The following PTPRN2 variants were observed in gnomAD, a reference collection of about 807,000 sequenced individuals.
PTPRN2 encodes receptor-type tyrosine-protein phosphatase N2.
In PTPRN2, 74 loss-of-function variants were observed where a neutral mutation model predicts 118.8. The observed-to-expected ratio is 0.62, with a 90% CI of 0.52 to 0.76. The LOEUF (loss-of-function observed/expected upper bound fraction) is 0.76, where lower values mean the gene tolerates loss of function less well. Ranked by LOEUF, PTPRN2 falls within the 30% of genes least tolerant of loss-of-function variation. The probability of loss-of-function intolerance (pLI) is 0.00; values close to 1 mark genes in which losing one functional copy is unlikely to be tolerated. For missense variants in PTPRN2, 1,481 were observed against 1,394.4 expected (o/e 1.06, Z -0.99); for synonymous variants, 641 against 608.0 (o/e 1.05, Z -0.80).
intron 6 of PTPRN2, among the ~76,000 whole-genome samples, chr7:158,143,185 A>T (rs932999181): frequency 2.0e-5 from 3 of 152,196 alleles, no homozygotes; most frequent in African/African-American, 7.2e-5. Flanking sequence ...TCCCAAAGAA[A>T]ATGGAAATAA....
At chr7:158,412,786 A>G (rs1326339938) in intron 2 of PTPRN2, among the ~76,000 whole-genome samples, 16 of 84,034 alleles carry the variant, frequency 1.9e-4, no homozygotes, top group South Asian at 1.6e-3. Flanking sequence ...CCCATCCAGC[A>G]CCCTCCTCAG....
In PTPRN2 at chr7:158,544,174, C is replaced by A. The variant is rs895178958; in HGVS notation, c.112+43384G>T. On this transcript the variant is annotated intron_variant, in intron 1 of 22. Coordinates refer to ENST00000389418, the MANE Select transcript of PTPRN2 (RefSeq NM_002847.5). The surrounding 1 kb of genome is among the most constrained non-coding windows in gnomAD (Gnocchi z 4.2). ...GTCCACACTCTGCCCGCATGATCTG[C>A]CTCTCCCCAAAACAGACTATCATTA... is the stretch of plus-strand genomic sequence containing the variant. Among the ~76,000 whole-genome samples, 1 of 152,124 alleles carries A rather than the reference C, an allele frequency of 6.6e-6. No homozygotes were observed. Among genetic ancestry groups the A allele is most frequent in the African/African-American group, 2.4e-5 (1 of 41,402 alleles).
chr7:158,210,347 G>A (rs1034562061), intron 3 of PTPRN2, among the ~76,000 whole-genome samples: 1 of 151,814 alleles, frequency 6.6e-6, no homozygotes, highest in Admixed American at 6.6e-5. Flanking sequence ...GTGTTAGCCA[G>A]GATGGTCTCG....
At chr7:158,188,857 G>A (rs1466320338) in intron 5 of PTPRN2, among the ~76,000 whole-genome samples, 1 of 152,170 alleles carries the variant, frequency 6.6e-6, no homozygotes, top group African/African-American at 2.4e-5. Flanking sequence ...AGCCAGGAAT[G>A]GAAAGACTTC....
chr7:157,571,347 T>C lies in PTPRN2; in HGVS notation c.2837+93A>G, dbSNP rs1008754478. 8.0e-6 allele frequency: 8 copies of C among 1,002,118 alleles called. No homozygotes were observed. In the African/African-American group the frequency reaches 9.8e-5, roughly 12 times the overall value. 62.1% of individuals were successfully genotyped at this position (1,002,118 alleles called of 1,614,324 possible). ...AGAAGTGCCAGTTAGTTATATTTATTAAGCAATTAGAAAGTTAAGCTTCTG... is the reference window on the plus strand; with the variant it reads ...AGAAGTGCCAGTTAGTTATATTTATCAAGCAATTAGAAAGTTAAGCTTCTG... On this transcript the variant is annotated intron_variant, in intron 20 of 22. Transcript: ENST00000389418.
intron 12 of PTPRN2, among the ~76,000 whole-genome samples, chr7:157,731,512 TTACCCTTTCCCGTCCCATGCG>T (rs1298664162): frequency 2.7e-5 from 4 of 150,804 alleles, no homozygotes; most frequent in African/African-American, 4.9e-5. Context: ...CCCAGCACAG[TTACCCTTTCCCGTCCCATGCG>T]CCCAGCACAG....
At chr7:157,940,791 CCT>C (rs1800028737) in intron 11 of PTPRN2, among the ~76,000 whole-genome samples, 1 of 93,350 alleles carries the variant, frequency 1.1e-5, no homozygotes, top group Non-Finnish European at 1.9e-5. Flanking sequence ...AATCAAACAC[CCT>C]CCCCCATGAC....
chr7:158,050,643 C>T (rs562581806), intron 11 of PTPRN2, among the ~76,000 whole-genome samples: 6 of 152,336 alleles, frequency 3.9e-5, no homozygotes, highest in South Asian at 2.1e-4. Context: ...CGCTCTCCCC[C>T]GTCACGCTGA....
At chr7:158,521,363 T>C (rs1209975732) in intron 1 of PTPRN2, among the ~76,000 whole-genome samples, 2 of 152,232 alleles carry the variant, frequency 1.3e-5, no homozygotes, top group African/African-American at 4.8e-5. Flanking sequence ...GTACTAGGTG[T>C]CTGGCTTCCC....
At chr7:158,268,370 G>A (rs1275919044) in intron 3 of PTPRN2, among the ~76,000 whole-genome samples, 1 of 148,104 alleles carries the variant, frequency 6.8e-6, no homozygotes. Context: ...CGCACACAGA[G>A]TGGGGTGTGA....
At chr7:158,453,642 G>T (rs916065506) in intron 2 of PTPRN2, among the ~76,000 whole-genome samples, 1 of 152,188 alleles carries the variant, frequency 6.6e-6, no homozygotes, top group South Asian at 2.1e-4. Flanking sequence ...AGGATCTGTT[G>T]CTTCTTATTT....
chr7:158,204,691 AT>A (rs1826977677), intron 4 of PTPRN2, among the ~76,000 whole-genome samples: 1 of 152,186 alleles, frequency 6.6e-6, no homozygotes, highest in Admixed American at 6.5e-5. Flanking sequence ...CATGGTATGT[AT>A]GACATTACCA....
intron 12 of PTPRN2, among the ~76,000 whole-genome samples, chr7:157,858,081 C>CCA (rs777572451): frequency 2.0e-4 from 23 of 116,880 alleles, no homozygotes; most frequent in Middle Eastern, 4.3e-3. Flanking sequence ...GGGAGAACCC[C>CCA]GTCACCACCC....
intron 11 of PTPRN2, among the ~76,000 whole-genome samples, chr7:157,935,021 G>C (rs1379611349): frequency 6.6e-6 from 1 of 152,194 alleles, no homozygotes; most frequent in Non-Finnish European, 1.5e-5. Flanking sequence ...AATGAAGTCA[G>C]TCCTCATGCA....
At chr7:158,112,441 A>C (rs1380484310) in intron 9 of PTPRN2, among the ~76,000 whole-genome samples, 1 of 152,158 alleles carries the variant, frequency 6.6e-6, no homozygotes, top group Non-Finnish European at 1.5e-5. Flanking sequence ...CATGGCCTGG[A>C]GACGAGTGCA....
At chr7:158,461,992 G>A (rs1036107571) in intron 2 of PTPRN2, among the ~76,000 whole-genome samples, 1 of 152,404 alleles carries the variant, frequency 6.6e-6, no homozygotes, top group East Asian at 1.9e-4. Flanking sequence ...TTGGGTGAAC[G>A]CCTCCCGTCC....
At chr7:157,852,928 G>C (rs1028320119) in intron 12 of PTPRN2, among the ~76,000 whole-genome samples, 9 of 151,402 alleles carry the variant, frequency 5.9e-5, no homozygotes, top group African/African-American at 2.2e-4. Context: ...AACCCTCTGA[G>C]ATGTGCGTCC....
intron 2 of PTPRN2, among the ~76,000 whole-genome samples, chr7:158,392,544 C>T (rs993126100): frequency 1.3e-5 from 2 of 152,180 alleles, no homozygotes; most frequent in African/African-American, 2.4e-5. Flanking sequence ...GCCCCAGCAG[C>T]CAGTGAGGAT....
At chr7:157,976,125 G>C (rs748872208) in intron 11 of PTPRN2, among the ~76,000 whole-genome samples, 28 of 152,238 alleles carry the variant, frequency 1.8e-4, no homozygotes, top group Admixed American at 3.3e-4. Context: ...AGATGTCCTG[G>C]TGAAACGCCG....
Sources: allele counts gnomAD v4.1 joint callset (sites outside exome capture counted in the v4.1 genomes callset), GRCh38; gene constraint gnomAD v4.1.1; non-coding constraint Gnocchi (gnomAD v3.1); transcripts MANE v1.5; gene names NCBI Gene and HGNC (gene_info 2026-07-23, HGNC 2026-07-21).